The following CACNA1C variants were observed in gnomAD, a reference collection of about 807,000 sequenced individuals.
CACNA1C encodes calcium voltage-gated channel subunit alpha1 C.
In CACNA1C, 30 loss-of-function variants were observed where a neutral mutation model predicts 229.0. The ratio of observed to expected loss-of-function variants is 0.13; its 90% CI spans 0.10 to 0.18. CACNA1C has a LOEUF of 0.18. Ranked by LOEUF, CACNA1C falls within the 10% of genes least tolerant of loss-of-function variation. The pLI is 1.00. For missense variants in CACNA1C, 1,658 were observed against 2,845.0 expected, an observed-to-expected ratio of 0.58 and a Z score of 9.49; for synonymous variants, 1,114 against 1,132.5, an observed-to-expected ratio of 0.98 and a Z score of 0.33.
At chr12:2,442,937 G>A (rs1161579697) in intron 3 of CACNA1C, among the ~76,000 whole-genome samples, 1 of 152,182 alleles carries the variant, frequency 6.6e-6, no homozygotes, top group Admixed American at 6.5e-5. Context: ...CAACCCTAGG[G>A]ATTACAATTG....
intron 10 of CACNA1C, among the ~76,000 whole-genome samples, chr12:2,555,947 T>C (rs1429808671): frequency 1.3e-5 from 2 of 152,166 alleles, no homozygotes; most frequent in African/African-American, 4.8e-5. Context: ...ATGCCTCTCC[T>C]TGTTGCTCCA....
chr12:2,517,103 C>G (rs2154580163), intron 9 of CACNA1C, among the ~76,000 whole-genome samples: 1 of 152,352 alleles, frequency 6.6e-6, no homozygotes, highest in South Asian at 2.1e-4. Flanking sequence ...GACCATTGGG[C>G]TTAGCAATGT....
chr12:2,200,519 A>G (rs1384829221), intron 3 of CACNA1C, among the ~76,000 whole-genome samples: 1 of 152,210 alleles, frequency 6.6e-6, no homozygotes, highest in African/African-American at 2.4e-5. Context: ...ATCTGGCACA[A>G]AATGTCAATA....
At chr12:2,572,037 CTTTT>C (rs5796014) in intron 13 of CACNA1C, among the ~76,000 whole-genome samples, 34 of 128,442 alleles carry the variant, frequency 2.6e-4, no homozygotes, top group Non-Finnish European at 2.5e-4. Context: ...AATTTCTTCT[CTTTT>C]TTTTTTTTTT....
chr12:2,306,576 C>T (rs935553139), intron 3 of CACNA1C, among the ~76,000 whole-genome samples: 5 of 152,178 alleles, frequency 3.3e-5, no homozygotes, highest in African/African-American at 1.2e-4. Flanking sequence ...TGCCCAAATC[C>T]TCAGAATGTC....
chr12:2,640,490 G>A (rs533971453), intron 30 of CACNA1C, among the ~76,000 whole-genome samples: 79 of 152,312 alleles, frequency 5.2e-4, no homozygotes, highest in African/African-American at 1.9e-3. Flanking sequence ...CTACACACCC[G>A]GATCCGTGTC....
At chr12:2,084,296 G>A (rs76447893) in intron 1 of CACNA1C, among the ~76,000 whole-genome samples, 4 of 152,134 alleles carry the variant, frequency 2.6e-5, no homozygotes, top group South Asian at 2.1e-4. Context: ...ACTTCAACAC[G>A]CAGCCATTCA....
intron 10 of CACNA1C, among the ~76,000 whole-genome samples, chr12:2,556,265 C>T (rs2044206543): frequency 1.3e-5 from 2 of 152,158 alleles, no homozygotes; most frequent in South Asian, 4.1e-4. Flanking sequence ...TCAGGACTTC[C>T]TTGAAGGTTC....
intron 5 of CACNA1C, among the ~76,000 whole-genome samples, chr12:2,464,726 G>T (rs2099538878): frequency 6.6e-6 from 1 of 152,208 alleles, no homozygotes; most frequent in African/African-American, 2.4e-5. Flanking sequence ...ACACAGAATA[G>T]AAAACAGCTC....
chr12:2,031,875 G>C (rs2048281639), intron 1 of CACNA1C, among the ~76,000 whole-genome samples: 1 of 152,210 alleles, frequency 6.6e-6, no homozygotes, highest in Non-Finnish European at 1.5e-5. Context: ...TCAGGAGAGA[G>C]AGGGCAGCTG....
intron 3 of CACNA1C, among the ~76,000 whole-genome samples, chr12:2,264,186 G>A (rs2081413675): frequency 6.6e-6 from 1 of 152,208 alleles, no homozygotes; most frequent in African/African-American, 2.4e-5. Flanking sequence ...CGCTGGAACT[G>A]GAATGGACTC....
Position 2,354,068 on chromosome 12 carries a change from TG to T in CACNA1C, c.478-94905del, listed in dbSNP as rs546537538. Among the ~76,000 whole-genome samples the T allele has an allele frequency of 1.6e-4, 24 of 152,272 alleles. 2 individuals are homozygous for T. The South Asian group carries it at 4.6e-3, about 29-fold the overall frequency. On this transcript the variant is annotated intron_variant, in intron 3 of 46. Transcript: ENST00000399655. The surrounding 1 kb of genome is among the most constrained non-coding windows in gnomAD (Gnocchi z 4.6). ...GCGACCACTGCAGGGTCCCGGGAGC[TG>T]GGTGAAAGTGGCAGAGCTGGGAGGT...
At chr12:2,317,078 T>C (rs2095730238) in intron 3 of CACNA1C, among the ~76,000 whole-genome samples, 1 of 152,246 alleles carries the variant, frequency 6.6e-6, no homozygotes, top group South Asian at 2.1e-4. Context: ...TATAAAATTG[T>C]ATCATTTAGA....
At position 2,608,748 on chromosome 12, in the gene CACNA1C, C is replaced by G. The variant is rs772478596; in HGVS notation, c.3558+36C>G. 1.2e-6 allele frequency: 2 copies of G among 1,607,780 alleles called. No individual in the cohort carries two copies. The highest frequency in any genetic ancestry group is 3.4e-5 in the Admixed American group (2 of 59,394). On this transcript the variant is annotated intron_variant, in intron 27 of 46. Coordinates refer to ENST00000399655, the MANE Select transcript of CACNA1C (RefSeq NM_000719.7). This position sits in a 1 kb window ranked among gnomAD's most constrained non-coding sequence, Gnocchi z 4.2. Reference sequence around the variant, plus strand: ...AGGAAGGAGCGGAGGGAAGCGGGGCCCACGGAGGGAATGGCAGCCTGCGGC... The same window carrying G: ...AGGAAGGAGCGGAGGGAAGCGGGGCGCACGGAGGGAATGGCAGCCTGCGGC...
chr12:2,290,299 G>T (rs2093344341), intron 3 of CACNA1C, among the ~76,000 whole-genome samples: 1 of 152,202 alleles, frequency 6.6e-6, no homozygotes, highest in South Asian at 2.1e-4. Flanking sequence ...AAGGGCATCA[G>T]GAAAGTGGCA....
intron 1 of CACNA1C, among the ~76,000 whole-genome samples, chr12:2,036,716 G>A (rs1007761515): frequency 5.9e-5 from 9 of 151,884 alleles, no homozygotes; most frequent in Non-Finnish European, 1.2e-4. Flanking sequence ...TGCCCTCTTC[G>A]GCCTCCCAAA....
chr12:2,103,835 T>A (rs1016779085), intron 1 of CACNA1C, among the ~76,000 whole-genome samples: 3 of 152,236 alleles, frequency 2.0e-5, no homozygotes, highest in Admixed American at 6.5e-5. Context: ...AAATAGGGAA[T>A]CCTTTCCCCA....
chr12:2,124,883 T>A (rs2089313086), intron 3 of CACNA1C, among the ~76,000 whole-genome samples: 1 of 152,020 alleles, frequency 6.6e-6, no homozygotes, highest in Non-Finnish European at 1.5e-5. Context: ...AGCGTGAGGC[T>A]GGGGATGTCC....
upstream of CACNA1C, among the ~76,000 whole-genome samples, chr12:2,048,062 G>A (rs943688396): frequency 1.3e-5 from 2 of 152,334 alleles, no homozygotes; most frequent in South Asian, 4.1e-4. Context: ...GGAGCTGGAG[G>A]AGCTGTGGGC....
Sources: gnomAD v4.1 joint callset for allele counts (sites outside exome capture counted in the v4.1 genomes callset) on GRCh38, gnomAD v4.1.1 for gene constraint, Gnocchi (gnomAD v3.1) non-coding constraint, MANE v1.5 for transcripts, NCBI Gene and HGNC (gene_info 2026-07-23, HGNC 2026-07-21) for gene names.